Variants in USP34 observed in about 807,000 individuals in gnomAD.
USP34 encodes the protein ubiquitin specific peptidase 34.
In USP34, 70 loss-of-function variants were observed where a neutral mutation model predicts 460.3. The observed-to-expected ratio is 0.15, with a 90% CI of 0.13 to 0.19. The LOEUF (loss-of-function observed/expected upper bound fraction) is 0.19, where lower values mean the gene tolerates loss of function less well. Among genes scored for constraint, USP34 ranks in the 10% least tolerant of loss-of-function variants. USP34 has a pLI of 1.00. For synonymous variants in USP34, 1,647 were observed against 1,405.3 expected, an observed-to-expected ratio of 1.17 and a Z score of -3.85; for missense variants, 3,985 against 4,236.2, an observed-to-expected ratio of 0.94 and a Z score of 1.65.
chr2:61,232,667 G>C (rs1288158096), intron 57 of USP34, 135 bp from the exon 58 acceptor site: 1 of 710,414 alleles, frequency 1.4e-6, no homozygotes, highest in Non-Finnish European at 2.3e-6. Flanking sequence ...TTCTCTAATT[G>C]TCATAAAAGT....
In USP34 at chr2:61,256,959, T is replaced by G. The variant is rs770117971; in HGVS notation, c.6049-9A>C. 6.7e-7 allele frequency: 1 copy of G among 1,487,062 alleles called. No individual in the cohort carries two copies. Among genetic ancestry groups the G allele is most frequent in the Non-Finnish European group, 8.9e-7 (1 of 1,121,538 alleles). 92.1% of individuals were successfully genotyped at this position (1,487,062 alleles called of 1,614,324 possible). A position where few individuals can be genotyped will look rare whatever the true frequency, so the allele number is the denominator to read the frequency against. ...CTAACATGTTCACAATCCTAATCAA[T>G]ACACATAAAAAATTAATAAAAACTA... On this transcript the variant is annotated splice_polypyrimidine_tract_variant and intron_variant, in intron 46 of 79. Transcript: ENST00000398571.
chr2:61,320,652 G>A (rs1028421088), intron 21 of USP34, among the ~76,000 whole-genome samples: 2 of 151,552 alleles, frequency 1.3e-5, no homozygotes, highest in African/African-American at 4.9e-5. Context: ...ATCACTTGTG[G>A]CCATGAGTTT....
At chr2:61,324,680 T>C (rs1054352733) in intron 21 of USP34, among the ~76,000 whole-genome samples, 3 of 151,996 alleles carry the variant, frequency 2.0e-5, no homozygotes, top group Non-Finnish European at 4.4e-5. Flanking sequence ...TAAGGTGGGA[T>C]GACTGCTTGA....
intron 2 of USP34, chr2:61,417,246 C>T (rs1694223933): frequency 3.7e-6 from 5 of 1,350,696 alleles, no homozygotes; most frequent in Non-Finnish European, 4.2e-6. Flanking sequence ...TCTGAAAGGC[C>T]TGTCTCCAAG....
Position 61,235,930 on chromosome 2 carries a change from C to A in USP34, c.6967-20G>T. The stretch of plus-strand genomic sequence containing the variant: ...CGTGGGCTAGAAAAGAAAAGTCAGT[C>A]AAAGCATATGAACTTCTGAGCCAAC... On this transcript the variant is annotated intron_variant, in intron 56 of 79. Coordinates refer to ENST00000398571, the MANE Select transcript of USP34 (RefSeq NM_014709.4). The A allele has an allele frequency of 6.2e-7, 1 of 1,609,136 alleles. No individual in the cohort carries two copies. The highest frequency in any genetic ancestry group is 1.1e-5 in the South Asian group (1 of 89,432).
At chr2:61,384,655 A>T (rs1402838420) in intron 5 of USP34, among the ~76,000 whole-genome samples, 2 of 152,196 alleles carry the variant, frequency 1.3e-5, no homozygotes, top group Non-Finnish European at 2.9e-5. Flanking sequence ...CCTGGACAAC[A>T]CAGCAAGACC....
intron 5 of USP34, among the ~76,000 whole-genome samples, chr2:61,386,128 A>G (rs765617441): frequency 1.3e-5 from 2 of 152,114 alleles, no homozygotes; most frequent in Non-Finnish European, 2.9e-5. Context: ...AGAATGGTAT[A>G]CTATGCCAAA....
intron 6 of USP34, among the ~76,000 whole-genome samples, chr2:61,380,882 A>G (rs1207003504): frequency 6.6e-6 from 1 of 152,216 alleles, no homozygotes; most frequent in Non-Finnish European, 1.5e-5. Context: ...ACTACAAGAC[A>G]TATATGAGAT....
At chr2:61,409,863 T>C (rs756741794) in intron 2 of USP34, among the ~76,000 whole-genome samples, 6 of 152,122 alleles carry the variant, frequency 3.9e-5, no homozygotes, top group Non-Finnish European at 7.4e-5. Flanking sequence ...AGATCCAAAA[T>C]ACACAAGTTC....
intron 33 of USP34, among the ~76,000 whole-genome samples, chr2:61,290,789 C>T (rs1483488314): frequency 1.3e-5 from 2 of 152,206 alleles, no homozygotes; most frequent in Middle Eastern, 3.4e-3. Flanking sequence ...TGCAACCTCA[C>T]ATCATATGCA....
chr2:61,392,441 T>C (rs1572996655), intron 5 of USP34, among the ~76,000 whole-genome samples: 1 of 152,222 alleles, frequency 6.6e-6, no homozygotes. Context: ...CTGGACAACA[T>C]GGCGAAACCC....
In USP34 at chr2:61,265,978, G is replaced by T. The variant is rs369208227; in HGVS notation, c.5617+6C>A. ...ATAAAGATTAAAGGAAAAGAAGAAT[G>T]CTTACACTGCATGTGTTGTGCCATA... On this transcript the variant is annotated splice_donor_region_variant and intron_variant, in intron 42 of 79. Transcript: ENST00000398571. The T allele has an allele frequency of 1.3e-6, 2 of 1,581,604 alleles. No homozygotes were observed. The highest frequency in any genetic ancestry group is 1.7e-6 in the Non-Finnish European group (2 of 1,158,136).
At chr2:61,450,766 T>C (rs886853132) in intron 1 of USP34, among the ~76,000 whole-genome samples, 7 of 151,712 alleles carry the variant, frequency 4.6e-5, no homozygotes, top group Admixed American at 2.0e-4. Flanking sequence ...ACAAAAATTA[T>C]GTAAAAATGG....
At chr2:61,209,973 TAA>T (rs1005879114) in intron 69 of USP34, among the ~76,000 whole-genome samples, 26 of 152,174 alleles carry the variant, frequency 1.7e-4, no homozygotes, top group African/African-American at 5.6e-4. Context: ...GAAAAGCTTA[TAA>T]AGATATAAAT....
At chr2:61,251,900 G>A (rs959565994) in intron 48 of USP34, among the ~76,000 whole-genome samples, 2 of 151,520 alleles carry the variant, frequency 1.3e-5, no homozygotes, top group Non-Finnish European at 1.5e-5. Context: ...CTGTATATAC[G>A]TGACTGTGCA....
intron 10 of USP34, among the ~76,000 whole-genome samples, chr2:61,353,953 A>C (rs529530347): frequency 6.6e-6 from 1 of 152,332 alleles, no homozygotes; most frequent in South Asian, 2.1e-4. Flanking sequence ...GCATACCCGT[A>C]AGTAGGACAA....
chr2:61,255,170 A>C (rs1296789131), intron 48 of USP34, among the ~76,000 whole-genome samples: 1 of 152,240 alleles, frequency 6.6e-6, no homozygotes, highest in Non-Finnish European at 1.5e-5. Flanking sequence ...TTATTTTCCA[A>C]GAAATTCTAC....
chr2:61,250,031 T>G (rs937727107), intron 48 of USP34, among the ~76,000 whole-genome samples: 2 of 152,114 alleles, frequency 1.3e-5, no homozygotes, highest in Non-Finnish European at 2.9e-5. Context: ...GCAGACTGCT[T>G]GAGGCCAGGA....
intron 48 of USP34, among the ~76,000 whole-genome samples, chr2:61,251,828 C>T (rs1688590570): frequency 1.3e-5 from 2 of 151,990 alleles, no homozygotes; most frequent in South Asian, 4.2e-4. Flanking sequence ...AGGACTGTTC[C>T]CCATTTGGAC....
Sources: allele counts gnomAD v4.1 joint callset (sites outside exome capture counted in the v4.1 genomes callset), GRCh38; gene constraint gnomAD v4.1.1; transcripts MANE v1.5; gene names NCBI Gene and HGNC (gene_info 2026-07-23, HGNC 2026-07-21).